SLC25A35: variants seen among roughly 807,000 people sequenced by gnomAD.
SLC25A35 encodes solute carrier family 25 member 35.
SLC25A35 carries 32 observed loss-of-function variants against 30.5 expected under a neutral mutation model. The ratio of observed to expected loss-of-function variants is 1.05; its 90% CI spans 0.79 to 1.41. SLC25A35 has a LOEUF of 1.41. Among genes scored for constraint, SLC25A35 ranks in the 40% most tolerant of loss-of-function variants. The pLI is 0.00. For synonymous variants in SLC25A35, 142 were observed against 158.1 expected, an observed-to-expected ratio of 0.90 and a Z score of 0.77; for missense variants, 369 against 388.0, an observed-to-expected ratio of 0.95 and a Z score of 0.41.
At chr17:8,291,507 G>A (rs1170405602) in intron 2 of SLC25A35, 22 bp from the exon 3 acceptor site, 4 of 1,594,364 alleles carry the variant, frequency 2.5e-6, no homozygotes, top group Non-Finnish European at 3.4e-6. Flanking sequence ...AAGACCGGGG[G>A]TGGGGTTCAG....
downstream of SLC25A35, chr17:8,289,928 C>T: frequency 1.2e-6 from 2 of 1,614,102 alleles, no homozygotes; most frequent in Non-Finnish European, 1.7e-6. Context: ...CATCTTTGGT[C>T]CCCAGTAAAG....
At chr17:8,289,995 GA>G, downstream of SLC25A35, 2 of 1,610,320 alleles carry the variant, frequency 1.2e-6, no homozygotes, top group Non-Finnish European at 1.7e-6. Context: ...CTGTGAGGGG[GA>G]AAAGAGGTTG....
Position 8,294,600 on chromosome 17 carries a change from G to C in SLC25A35, c.208C>G (p.Leu70Val), listed in dbSNP as rs1007550381. The C allele has an allele frequency of 1.1e-5, 17 of 1,614,094 alleles. No homozygotes were observed. The highest frequency in any genetic ancestry group is 1.4e-5 in the Non-Finnish European group (16 of 1,180,046). The stretch of plus-strand genomic sequence containing the variant: ...CCATTCATCAGGAACTGGTACAAGA[G>C]GGCGGGGGCCAGGCCTTTCTGCAGG... ...AALQKGLAPA[L>V]LYQFLMNGIR... Residue 70 changes from leucine (L) to valine (V), a missense_variant, in exon 1 of 5, where the codon CTC (leucine) becomes GTC (valine). By Grantham distance (32) the Leu-to-Val change is conservative (BLOSUM62 1). Transcript: ENST00000577745.
Position 8,290,735 on chromosome 17 carries a change from C to T in SLC25A35, c.730-57G>A. ...CAGAGAAGGAGTTTGTCAGAGCCCA[C>T]CAGGGGCAGCACCTCTACAGGCTGC... On this transcript the variant is annotated intron_variant, in intron 4 of 4. Transcript: ENST00000577745. The T allele has an allele frequency of 2.5e-6, 4 of 1,601,780 alleles. No homozygotes were observed. The South Asian group carries it at 3.3e-5, about 13-fold the overall frequency.
At chr17:8,289,719 A>G, downstream of SLC25A35, 1 of 1,613,670 alleles carries the variant, frequency 6.2e-7, no homozygotes, top group Non-Finnish European at 8.5e-7. Context: ...GTTTGGGGTA[A>G]CTGATACCCA....
downstream of SLC25A35, chr17:8,288,672 G>T: frequency 8.5e-7 from 1 of 1,175,944 alleles, no homozygotes; most frequent in Non-Finnish European, 1.3e-6. Flanking sequence ...AAGGATCCGG[G>T]AGCTAAGCCA....
intron 1 of SLC25A35, among the ~76,000 whole-genome samples, chr17:8,293,198 C>T (rs1286244574): frequency 6.6e-6 from 1 of 152,186 alleles, no homozygotes; most frequent in Non-Finnish European, 1.5e-5. Context: ...GGGTCACTTC[C>T]CCTTTCTGGG....
downstream of SLC25A35, chr17:8,289,636 G>T: frequency 6.2e-7 from 1 of 1,606,652 alleles, no homozygotes; most frequent in Non-Finnish European, 8.5e-7. Context: ...GTTCCCAGGA[G>T]AATCGGGCTG....
chr17:8,289,769 A>G, downstream of SLC25A35: 1 of 1,613,718 alleles, frequency 6.2e-7, no homozygotes, highest in Non-Finnish European at 8.5e-7. Flanking sequence ...TCCAAACCTC[A>G]GGCCTGGATG....
chr17:8,288,384 T>C (rs564996354), downstream of SLC25A35: 75 of 295,928 alleles, frequency 2.5e-4, no homozygotes, highest in African/African-American at 1.6e-3. Flanking sequence ...GAGACTGCAG[T>C]GAGCGGTGAT....
chr17:8,288,478 G>T (rs1222532110), downstream of SLC25A35: 11 of 474,436 alleles, frequency 2.3e-5, no homozygotes, highest in African/African-American at 3.9e-5. Flanking sequence ...AGGCTGGCGG[G>T]AGCATGCTCG....
chr17:8,290,947 C>T lies in SLC25A35; in HGVS notation c.624G>A (p.Ala208=), dbSNP rs1240551504. The stretch of plus-strand genomic sequence containing the variant: ...TGCCACTCATCATGGCAGCCACCAG[C>T]GCCAACTTCCAGCTCTGGGGAGGAA... The part of the protein sequence containing the change: ...EIFPPQSWKL[A]LVAAMMSGIA... The change falls in exon 4 of 5, where the codon GCG becomes GCA. Residue 208 remains alanine, a synonymous_variant. Transcript: ENST00000577745. 11 of 1,613,964 alleles carry T rather than the reference C, an allele frequency of 6.8e-6. No homozygotes were observed. The East Asian group carries it at 1.1e-4, about 16-fold the overall frequency.
At position 8,294,721 on chromosome 17, in the gene SLC25A35, C is replaced by A; in HGVS notation, c.87G>T (p.Leu29Phe). ...PLEVVKTRMQ[L>F]QGELQAPGTY... Reference sequence around the variant, plus strand: ...TGCCAGGGGCCTGCAGTTCTCCTTGCAACTGCATCCTGGTCTTCACCACCT... The same window carrying A: ...TGCCAGGGGCCTGCAGTTCTCCTTGAAACTGCATCCTGGTCTTCACCACCT... Residue 29 changes from leucine to phenylalanine, a missense_variant, in exon 1 of 5, where the codon TTG becomes TTT. Leu to Phe is a conservative substitution (Grantham distance 22). Coordinates refer to ENST00000577745, the MANE Select transcript of SLC25A35 (RefSeq NM_001320870.2). 1 of 1,614,150 alleles carries A rather than the reference C, an allele frequency of 6.2e-7. No individual in the cohort carries two copies. The highest frequency in any genetic ancestry group is 1.6e-4 in the Middle Eastern group (1 of 6,062).
Position 8,294,856 on chromosome 17 carries a change from T to C in SLC25A35, c.-49A>G, listed in dbSNP as rs1041925449. On this transcript the variant is annotated 5_prime_UTR_variant, in exon 1 of 5. Transcript: ENST00000577745. ...TGACCCAAGAGTAAGAAAGTAAAAATGGGTGTCAGAAAGCGGGGTTGGAAG... is the reference window on the plus strand; with the variant it reads ...TGACCCAAGAGTAAGAAAGTAAAAACGGGTGTCAGAAAGCGGGGTTGGAAG... 6 of 1,520,390 alleles carry C rather than the reference T, an allele frequency of 3.9e-6. No homozygotes were observed. The South Asian group carries it at 6.6e-5, about 17-fold the overall frequency. The allele number at this position is 1,520,390 out of a possible 1,614,324, so 94.2% of individuals were successfully genotyped here. A position where few individuals can be genotyped will look rare whatever the true frequency, so the allele number is the denominator to read the frequency against.
chr17:8,290,029 C>T (rs1045310820), downstream of SLC25A35: 1 of 1,602,474 alleles, frequency 6.2e-7, no homozygotes, highest in African/African-American at 1.3e-5. Flanking sequence ...CCTCTTATTT[C>T]TTCCCTGTGC....
rs767498833 is a variant in SLC25A35, at chr17:8,290,925, C to T, written c.646G>A (p.Gly216Ser). The T allele has an allele frequency of 2.5e-6, 4 of 1,614,108 alleles. No homozygotes were observed. The highest frequency in any genetic ancestry group is 4.5e-5 in the East Asian group (2 of 44,868). Reference protein sequence around the residue: ...KLALVAAMMSGIAVVLAMAPF... With the variant: ...KLALVAAMMSSIAVVLAMAPF... Reference sequence around the variant, plus strand: ...GCCATGGCCAAGACAACTGCAATGCCACTCATCATGGCAGCCACCAGCGCC... The same window carrying T: ...GCCATGGCCAAGACAACTGCAATGCTACTCATCATGGCAGCCACCAGCGCC... The change falls in exon 4 of 5, where the codon GGC becomes AGC. Residue 216 changes from glycine (G) to serine (S), a missense_variant. Physicochemically the swap from Gly to Ser is moderately conservative, Grantham distance 56. Transcript: ENST00000577745.
downstream of SLC25A35, chr17:8,290,012 A>G: frequency 1.2e-6 from 2 of 1,608,086 alleles, no homozygotes; most frequent in Non-Finnish European, 1.7e-6. Flanking sequence ...GGTTGAAAAG[A>G]GGGTTTCCTC....
downstream of SLC25A35, chr17:8,289,290 G>A (rs776645236): frequency 1.2e-5 from 20 of 1,613,852 alleles, 1 homozygote; most frequent in East Asian, 3.6e-4. Flanking sequence ...GGCGTGCAGG[G>A]GGCTAGGGCT....
chr17:8,288,819 G>C, downstream of SLC25A35: 1 of 1,614,156 alleles, frequency 6.2e-7, no homozygotes. Flanking sequence ...CCCGCTGTTC[G>C]GGGGCGCCTT....
Sources: allele counts gnomAD v4.1 joint callset (sites outside exome capture counted in the v4.1 genomes callset), GRCh38; gene constraint gnomAD v4.1.1; transcripts MANE v1.5; gene names NCBI Gene and HGNC (gene_info 2026-07-23, HGNC 2026-07-21).